Variants in TNIK observed in about 807,000 individuals in gnomAD.
The protein encoded by TNIK is TRAF2 and NCK interacting kinase, also known as TRAF2 and NCK-interacting protein kinase.
A neutral mutation model predicts 191.3 loss-of-function variants in TNIK; 49 were observed. That is an observed-to-expected ratio of 0.26 (90% CI 0.20 to 0.32). The LOEUF is 0.32. TNIK is among the 10% of genes least tolerant of loss of function. The pLI is 1.00. For synonymous variants in TNIK, 594 were observed against 600.9 expected (o/e 0.99, Z 0.17); for missense variants, 1,155 against 1,702.3 (o/e 0.68, Z 5.66).
Position 171,241,652 on chromosome 3 carries a change from G to A in TNIK, c.124-13431C>T, listed in dbSNP as rs527755456. 1.3e-3 allele frequency among the ~76,000 whole-genome samples: 198 copies of A among 152,252 alleles called. 1 individual carries two copies. The highest frequency in any genetic ancestry group is 0.01 in the Middle Eastern group (3 of 294). On this transcript the variant is annotated intron_variant, in intron 2 of 32. Transcript: ENST00000436636. ...TAGCAATATAAAGTATAGAAGCAGA[G>A]GTAACTGCATCTCTAAGATATATTT...
intron 2 of TNIK, among the ~76,000 whole-genome samples, chr3:171,368,148 G>C (rs967627323): frequency 2.6e-5 from 4 of 152,034 alleles, no homozygotes; most frequent in African/African-American, 9.7e-5. Context: ...CCTCTTATAA[G>C]ACTGCAGAGT....
At chr3:171,289,901 C>CAA (rs143704401) in intron 2 of TNIK, among the ~76,000 whole-genome samples, 4,375 of 77,708 alleles carry the variant, frequency 0.056, 306 homozygotes, top group African/African-American at 0.16. Context: ...GACTCCGTCT[C>CAA]AAAAAAAAAA....
intron 18 of TNIK, among the ~76,000 whole-genome samples, chr3:171,115,485 T>G (rs1726547115): frequency 6.6e-6 from 1 of 152,192 alleles, no homozygotes; most frequent in Admixed American, 6.5e-5. Flanking sequence ...CTAAGTATTG[T>G]TGGAGTTTGG....
chr3:171,286,419 T>A (rs1228300845), intron 2 of TNIK, among the ~76,000 whole-genome samples: 1 of 152,152 alleles, frequency 6.6e-6, no homozygotes, highest in Admixed American at 6.6e-5. Flanking sequence ...AGTCTAAGAA[T>A]ATAAGAGTAT....
At chr3:171,381,707 T>C (rs951137745) in intron 1 of TNIK, among the ~76,000 whole-genome samples, 3 of 152,170 alleles carry the variant, frequency 2.0e-5, no homozygotes, top group African/African-American at 2.4e-5. Context: ...CATGACTAAA[T>C]TCTGGCCAAT....
intron 23 of TNIK, among the ~76,000 whole-genome samples, chr3:171,091,551 TG>T: frequency 6.6e-6 from 1 of 152,064 alleles, no homozygotes; most frequent in Admixed American, 6.5e-5. Context: ...GAGACCAGCC[TG>T]GGCAACACAG....
In TNIK at chr3:171,063,705, G is replaced by A; in HGVS notation, c.*176C>T. 1 of 545,812 alleles carries A rather than the reference G, an allele frequency of 1.8e-6. No homozygotes were observed. Among genetic ancestry groups the A allele is most frequent in the South Asian group, 3.2e-5 (1 of 31,596 alleles). 33.8% of individuals were successfully genotyped at this position (545,812 alleles called of 1,614,324 possible). On this transcript the variant is annotated 3_prime_UTR_variant, in exon 33 of 33. Coordinates refer to ENST00000436636, the MANE Select transcript of TNIK (RefSeq NM_015028.4). ...CACCTTTTTCTCTCCTTCTCAACCA[G>A]GCTGCAACATTGAAAGATGGACTGT...
At chr3:171,224,048 T>C (rs1742687909) in intron 3 of TNIK, among the ~76,000 whole-genome samples, 2 of 152,084 alleles carry the variant, frequency 1.3e-5, no homozygotes, top group African/African-American at 4.8e-5. Context: ...GATGGGGACA[T>C]GGTCCAAGCT....
At chr3:171,337,589 C>A (rs1053529351) in intron 2 of TNIK, among the ~76,000 whole-genome samples, 4 of 152,214 alleles carry the variant, frequency 2.6e-5, no homozygotes, top group Non-Finnish European at 5.9e-5. Context: ...CTTATTCCCA[C>A]TTACTGTTCC....
intron 10 of TNIK, among the ~76,000 whole-genome samples, chr3:171,161,789 G>A (rs929592472): frequency 2.6e-5 from 4 of 151,630 alleles, no homozygotes; most frequent in Non-Finnish European, 4.4e-5. Context: ...GCGTGGTGGC[G>A]GGTGCCTGTA....
Position 171,066,739 on chromosome 3 carries a change from G to A in TNIK, c.3700-4C>T, listed in dbSNP as rs1269350115. ...GAGGAGTGATATTGCCCTGAATCTA[G>A]AAGACAAAGAAAAGCCAAGCATTAT... On this transcript the variant is annotated splice_region_variant and splice_polypyrimidine_tract_variant and intron_variant, in intron 30 of 32. Transcript: ENST00000436636. 6.2e-7 allele frequency: 1 copy of A among 1,611,940 alleles called. No individual in the cohort carries two copies. Among genetic ancestry groups the A allele is most frequent in the Non-Finnish European group, 8.5e-7 (1 of 1,178,854 alleles).
In TNIK at chr3:171,066,273, G is replaced by A. The variant is rs1444504638; in HGVS notation, c.3913C>T (p.Arg1305Trp). The A allele has an allele frequency of 1.2e-6, 2 of 1,613,730 alleles. No homozygotes were observed. Among genetic ancestry groups the A allele is most frequent in the Non-Finnish European group, 1.7e-6 (2 of 1,179,872 alleles). ...TCCAAATGTCCTGTTTCCACTGACC[G>A]GATCTCAATAGCTTTCTCGCCCCAG... Reference protein sequence around the residue: ...MGWGEKAIEIRSVETGHLDGV... With the variant: ...MGWGEKAIEIWSVETGHLDGV... The change falls in exon 32 of 33, where the codon CGG (arginine) becomes TGG (tryptophan). Residue 1305 changes from arginine to tryptophan, a missense_variant. Around this residue, in one of 3 missense-constraint regions of TNIK, gnomAD observed 195 missense variants for 415.4 expected, o/e 0.47. Coordinates refer to ENST00000436636, the MANE Select transcript of TNIK (RefSeq NM_015028.4).
At chr3:171,103,535 T>TGAAAGAAAAGGATATTA (rs1723957477) in intron 21 of TNIK, among the ~76,000 whole-genome samples, 1 of 152,080 alleles carries the variant, frequency 6.6e-6, no homozygotes. Flanking sequence ...GTTAAGGCTA[T>TGAAAGAAAAGGATATTA]GAAAGAAAAG....
At chr3:171,448,904 C>A (rs1188101150) in intron 1 of TNIK, among the ~76,000 whole-genome samples, 1 of 151,980 alleles carries the variant, frequency 6.6e-6, no homozygotes, top group African/African-American at 2.4e-5. Flanking sequence ...CCTCCCCTAG[C>A]CCCCCATTTA....
intron 7 of TNIK, among the ~76,000 whole-genome samples, chr3:171,185,295 G>A (rs912988335): frequency 2.0e-5 from 3 of 151,814 alleles, no homozygotes; most frequent in Non-Finnish European, 2.9e-5. Flanking sequence ...TTCTTAGTGG[G>A]TGGTTCTGTT....
At chr3:171,444,574 TA>T (rs776537688) in intron 1 of TNIK, among the ~76,000 whole-genome samples, 6,656 of 90,808 alleles carry the variant, frequency 0.073, 166 homozygotes, top group African/African-American at 0.1. Flanking sequence ...ATAAACTTGC[TA>T]AAAAAAAAAA....
Position 171,180,550 on chromosome 3 carries a change from C to T in TNIK, c.640-3170G>A, listed in dbSNP as rs544084798. On this transcript the variant is annotated intron_variant, in intron 7 of 32. Coordinates refer to ENST00000436636, the MANE Select transcript of TNIK (RefSeq NM_015028.4). ...AACTGCTCCTGGCACACAGTAGGCC[C>T]TTAATAAATATTTATTGAATGAATG... 2.0e-5 allele frequency among the ~76,000 whole-genome samples: 3 copies of T among 152,286 alleles called. No individual in the cohort carries two copies. The East Asian group carries it at 5.8e-4, about 29-fold the overall frequency.
intron 1 of TNIK, 82 bp downstream of exon 1, chr3:171,459,913 TCCCCCTGCCCCA>T: frequency 1.4e-5 from 19 of 1,311,216 alleles, no homozygotes; most frequent in Non-Finnish European, 1.6e-5. Context: ...CCCGCTGCTG[TCCCCCTGCCCCA>T]GCCCCAGCCC....
intron 29 of TNIK, among the ~76,000 whole-genome samples, chr3:171,069,482 T>C (rs1462013164): frequency 1.3e-5 from 2 of 152,132 alleles, no homozygotes; most frequent in African/African-American, 4.8e-5. Context: ...CTGGTTTGGA[T>C]TTTTCTTCAG....
Sources: allele counts gnomAD v4.1 joint callset (sites outside exome capture counted in the v4.1 genomes callset), GRCh38; gene constraint gnomAD v4.1.1; regional missense constraint gnomAD v4.1.1; transcripts MANE v1.5; gene names NCBI Gene and HGNC (gene_info 2026-07-23, HGNC 2026-07-21).